Variants in SIRT2 observed in about 807,000 individuals in gnomAD.
The protein encoded by SIRT2 is sirtuin 2, also known as NAD-dependent protein deacetylase sirtuin-2.
A neutral mutation model predicts 57.4 loss-of-function variants in SIRT2; 40 were observed. The observed-to-expected ratio is 0.70, with a 90% CI of 0.54 to 0.91. The LOEUF is 0.91. Ranked by LOEUF, SIRT2 falls within the 40% of genes least tolerant of loss-of-function variation. The pLI, the probability that SIRT2 is intolerant of heterozygous loss-of-function variation, is 0.00. For synonymous variants in SIRT2, 161 were observed against 195.7 expected, an observed-to-expected ratio of 0.82 and a Z score of 1.48; for missense variants, 439 against 510.4, an observed-to-expected ratio of 0.86 and a Z score of 1.35.
chr19:38,880,926 C>T lies in SIRT2; in HGVS notation c.748-29G>A. On this transcript the variant is annotated intron_variant, in intron 11 of 15. Coordinates refer to ENST00000249396, the MANE Select transcript of SIRT2 (RefSeq NM_012237.4). This position sits in a 1 kb window ranked among gnomAD's most constrained non-coding sequence, Gnocchi z 4.1. ...CGGGGAGGGGCGTGAGCTTGGGAGC[C>T]TCCGCCCAGGCTGCGCCACCGCTCC... is the stretch of plus-strand genomic sequence containing the variant. 2.5e-6 allele frequency: 4 copies of T among 1,603,660 alleles called. No individual in the cohort carries two copies. Among genetic ancestry groups the T allele is most frequent in the Non-Finnish European group, 3.4e-6 (4 of 1,171,678 alleles).
At position 38,894,038 on chromosome 19, in the gene SIRT2, C is replaced by T. The variant is rs1568405839; in HGVS notation, c.64-171G>A. The T allele has an allele frequency of 1.1e-5, 15 of 1,414,180 alleles. 1 individual carries two copies. The highest frequency in any genetic ancestry group is 4.8e-4 in the Middle Eastern group (2 of 4,200). The allele number at this position is 1,414,180 out of a possible 1,614,324, so 87.6% of individuals were successfully genotyped here. On this transcript the variant is annotated intron_variant, in intron 2 of 15. Coordinates refer to ENST00000249396, the MANE Select transcript of SIRT2 (RefSeq NM_012237.4). ...GCTCCAGGGCTCTGGGACAGGCTGC[C>T]GGGGTTGGAGTCCTGGCCATGCCCG...
chr19:38,893,592 C>A (rs1296614180), intron 3 of SIRT2, 65 bp from the exon 4 acceptor site: 5 of 1,287,604 alleles, frequency 3.9e-6, no homozygotes, highest in Non-Finnish European at 5.6e-6. Context: ...ATGTCTCCGG[C>A]ACCCTGGCCC....
intron 8 of SIRT2, among the ~76,000 whole-genome samples, chr19:38,887,808 G>A (rs1001760075): frequency 6.6e-6 from 1 of 152,118 alleles, no homozygotes; most frequent in African/African-American, 2.4e-5. Flanking sequence ...CACCCAGGCT[G>A]GAGTGCAGTG....
chr19:38,883,763 G>A lies in SIRT2; in HGVS notation c.502-7C>T. ...GCTCCAGGGTATCTATGTTCTAGAG[G>A]GAGAGATGGAGGGAAGAGGGGTGAG... On this transcript the variant is annotated splice_polypyrimidine_tract_variant and splice_region_variant and intron_variant, in intron 8 of 15. Coordinates refer to ENST00000249396, the MANE Select transcript of SIRT2 (RefSeq NM_012237.4). The A allele has an allele frequency of 6.2e-7, 1 of 1,613,806 alleles. No individual in the cohort carries two copies. The highest frequency in any genetic ancestry group is 8.5e-7 in the Non-Finnish European group (1 of 1,179,782).
At chr19:38,896,691 A>G (rs1166577030) in intron 2 of SIRT2, among the ~76,000 whole-genome samples, 1 of 152,030 alleles carries the variant, frequency 6.6e-6, no homozygotes, top group Non-Finnish European at 1.5e-5. Context: ...TTAACATTCA[A>G]CCTTTTTCTC....
In SIRT2 at chr19:38,879,128, C is replaced by T. The variant is rs372121028; in HGVS notation, c.*27G>A. 17 of 1,542,542 alleles carry T rather than the reference C, an allele frequency of 1.1e-5. No homozygotes were observed. The highest frequency in any genetic ancestry group is 2.0e-4 in the Middle Eastern group (1 of 5,030). On this transcript the variant is annotated 3_prime_UTR_variant, in exon 16 of 16. Coordinates refer to ENST00000249396, the MANE Select transcript of SIRT2 (RefSeq NM_012237.4). ...GGGGCTCAGCTGTCCCTGAGGAGCT[C>T]GGCATCCCGCCTGGGAGATGCAGCT...
chr19:38,898,396 T>C lies in SIRT2; in HGVS notation c.46A>G (p.Lys16Glu). Residue 16 changes from lysine (K) to glutamate (E), a missense_variant, in exon 2 of 16, where the codon AAG (lysine) becomes GAG (glutamate). Lys to Glu is a moderately conservative substitution (Grantham distance 56, BLOSUM62 1). Transcript: ENST00000249396. ...CATCTCACCTGAGCCTCCTGCACCT[T>C]CCCTGCCTGGGTCTCCAGAGGGTGA... Reference protein sequence around the residue: ...PSHPLETQAGKVQEAQDSDSD... With the variant: ...PSHPLETQAGEVQEAQDSDSD... 6.4e-7 allele frequency: 1 copy of C among 1,554,626 alleles called. No homozygotes were observed. The highest frequency in any genetic ancestry group is 8.8e-7 in the Non-Finnish European group (1 of 1,142,676).
intron 8 of SIRT2, among the ~76,000 whole-genome samples, chr19:38,888,069 C>T (rs562284714): frequency 4.6e-5 from 7 of 151,940 alleles, no homozygotes; most frequent in African/African-American, 1.2e-4. Context: ...TTTTATAATT[C>T]GGGGTTCTGA....
chr19:38,891,522 C>G (rs1334214364), intron 4 of SIRT2, among the ~76,000 whole-genome samples: 4 of 151,956 alleles, frequency 2.6e-5, no homozygotes, highest in Non-Finnish European at 5.9e-5. Context: ...GCACTCCAGC[C>G]TGGGTAACAG....
At chr19:38,893,000 G>A (rs900842727) in intron 4 of SIRT2, among the ~76,000 whole-genome samples, 3 of 152,080 alleles carry the variant, frequency 2.0e-5, no homozygotes, top group African/African-American at 4.8e-5. Flanking sequence ...ATGGAGAAGC[G>A]ACCCAGGTCT....
chr19:38,889,042 G>C, intron 8 of SIRT2, 45 bp downstream of exon 8: 1 of 1,577,736 alleles, frequency 6.3e-7, no homozygotes, highest in Non-Finnish European at 8.7e-7. Context: ...CACCATGCCC[G>C]TTCCACCCGC....
rs1226048396 is a variant in SIRT2, at chr19:38,889,108, T to C, written c.480A>G (p.Leu160=). 1 of 1,612,720 alleles carries C rather than the reference T, an allele frequency of 6.2e-7. No individual in the cohort carries two copies. Among genetic ancestry groups the C allele is most frequent in the Non-Finnish European group, 8.5e-7 (1 of 1,179,962 alleles). Residue 160 remains leucine, a synonymous_variant, in exon 8 of 16, where the codon CTA becomes CTG. Coordinates refer to ENST00000249396, the MANE Select transcript of SIRT2 (RefSeq NM_012237.4). Reference sequence around the variant, plus strand: ...CTACCTGCGTGTAGCAGCGCAGGAGTAGCCCCTTGTCCTTCAGCAGGCGCA... The same window carrying C: ...CTACCTGCGTGTAGCAGCGCAGGAGCAGCCCCTTGTCCTTCAGCAGGCGCA... The part of the protein sequence containing the change: ...YFMRLLKDKG[L]LLRCYTQNID...
chr19:38,889,645 C>T, intron 7 of SIRT2, 44 bp downstream of exon 7: 3 of 1,610,344 alleles, frequency 1.9e-6, no homozygotes, highest in Non-Finnish European at 2.5e-6. Flanking sequence ...GCGTGCCCTC[C>T]CCCAACCCTT....
intron 2 of SIRT2, chr19:38,894,074 C>T (rs1973640235): frequency 9.8e-7 from 1 of 1,022,918 alleles, no homozygotes; most frequent in Non-Finnish European, 1.4e-6. Context: ...TCCCCAGGAG[C>T]AAGACCTCAT....
chr19:38,891,692 C>T (rs1973543206), intron 4 of SIRT2: 1 of 339,010 alleles, frequency 2.9e-6, no homozygotes, highest in Non-Finnish European at 5.9e-6. Context: ...CTTTCAGCCT[C>T]CCAAAATGGT....
chr19:38,880,632 G>T lies in SIRT2; in HGVS notation c.876+53C>A. 1 of 1,304,274 alleles carries T rather than the reference G, an allele frequency of 7.7e-7. No individual in the cohort carries two copies. The highest frequency in any genetic ancestry group is 1.5e-5 in the African/African-American group (1 of 67,926). The allele number at this position is 1,304,274 out of a possible 1,614,324, so 80.8% of individuals were successfully genotyped here. ...GTGGGGGTTCCCTCTGAGGAAAAGG[G>T]TGAGAGGGAAGGGGGAGCCTGTGAC... On this transcript the variant is annotated intron_variant, in intron 13 of 15. Transcript: ENST00000249396. The surrounding 1 kb of genome is among the most constrained non-coding windows in gnomAD (Gnocchi z 4.1).
chr19:38,894,084 T>A (rs1973640428), intron 2 of SIRT2: 1 of 896,746 alleles, frequency 1.1e-6, no homozygotes, highest in Non-Finnish European at 1.7e-6. Flanking sequence ...CAAGACCTCA[T>A]GTGAGTGGCT....
At chr19:38,893,584 G>A in intron 3 of SIRT2, 57 bp from the exon 4 acceptor site, 2 of 1,333,890 alleles carry the variant, frequency 1.5e-6, no homozygotes. Flanking sequence ...GGGCATGGAT[G>A]TCTCCGGCAC....
chr19:38,890,170 T>A (rs201846842), intron 4 of SIRT2, 26 bp from the exon 5 acceptor site: 1 of 1,613,742 alleles, frequency 6.2e-7, no homozygotes, highest in African/African-American at 1.3e-5. Context: ...TTATGCACCA[T>A]ATGACACCGT....
Sources: gnomAD v4.1 joint callset for allele counts (sites outside exome capture counted in the v4.1 genomes callset) on GRCh38, gnomAD v4.1.1 for gene constraint, Gnocchi (gnomAD v3.1) non-coding constraint, MANE v1.5 for transcripts, NCBI Gene and HGNC (gene_info 2026-07-23, HGNC 2026-07-21) for gene names.